Variants in PHLDB2 observed in about 807,000 individuals in gnomAD.
PHLDB2 encodes the protein pleckstrin homology like domain family B member 2, also known as pleckstrin homology-like domain family B member 2.
Under a neutral mutation model 123.6 loss-of-function variants are expected in PHLDB2, and 71 were observed. The observed-to-expected ratio is 0.57, with a 90% CI of 0.47 to 0.70. The LOEUF is 0.70. Among genes scored for constraint, PHLDB2 ranks in the 30% least tolerant of loss-of-function variants. The probability of loss-of-function intolerance (pLI) is 0.00; values close to 1 mark genes in which losing one functional copy is unlikely to be tolerated. For synonymous variants in PHLDB2, 547 were observed against 541.6 expected, an observed-to-expected ratio of 1.01 and a Z score of -0.14; for missense variants, 1,446 against 1,519.5, an observed-to-expected ratio of 0.95 and a Z score of 0.80.
chr3:111,832,189 TG>T (rs1361566063), intron 1 of PHLDB2, among the ~76,000 whole-genome samples: 1 of 151,018 alleles, frequency 6.6e-6, no homozygotes, highest in Non-Finnish European at 1.5e-5. Flanking sequence ...TCCAACCCTT[TG>T]GTACAGCACC....
intron 1 of PHLDB2, among the ~76,000 whole-genome samples, chr3:111,879,424 T>C (rs2065826602): frequency 6.6e-6 from 1 of 152,190 alleles, no homozygotes; most frequent in Non-Finnish European, 1.5e-5. Flanking sequence ...TTATATTTAC[T>C]ATTTATTAAG....
intron 2 of PHLDB2, among the ~76,000 whole-genome samples, chr3:111,902,039 A>G (rs1227794644): frequency 6.6e-6 from 1 of 152,144 alleles, no homozygotes; most frequent in Non-Finnish European, 1.5e-5. Flanking sequence ...TCCAACCTTA[A>G]TATTTTTTAA....
intron 1 of PHLDB2, among the ~76,000 whole-genome samples, chr3:111,776,894 T>A (rs2060275836): frequency 6.6e-6 from 1 of 152,158 alleles, no homozygotes; most frequent in Non-Finnish European, 1.5e-5. Context: ...CTTAAGTATA[T>A]TTCCAAGGAA....
chr3:111,834,395 G>GTA (rs1281155304), intron 1 of PHLDB2, among the ~76,000 whole-genome samples: 3 of 144,514 alleles, frequency 2.1e-5, no homozygotes, highest in Non-Finnish European at 4.5e-5. Context: ...ATATATGTGT[G>GTA]TATATATATA....
chr3:111,927,082 C>T (rs1310679531), intron 5 of PHLDB2, among the ~76,000 whole-genome samples: 1 of 152,074 alleles, frequency 6.6e-6, no homozygotes, highest in Non-Finnish European at 1.5e-5. Flanking sequence ...AAAAGAAAAA[C>T]GAATTTCACA....
chr3:111,831,232 T>C (rs1186722082), intron 1 of PHLDB2, among the ~76,000 whole-genome samples: 1 of 152,202 alleles, frequency 6.6e-6, no homozygotes, highest in Non-Finnish European at 1.5e-5. Context: ...ATATGCATTT[T>C]TTAAAATCTC....
At chr3:111,901,494 C>G (rs891865976) in intron 2 of PHLDB2, among the ~76,000 whole-genome samples, 1 of 150,870 alleles carries the variant, frequency 6.6e-6, no homozygotes, top group Non-Finnish European at 1.5e-5. Context: ...GTTCTTTACC[C>G]ACTGGTTTCT....
intron 1 of PHLDB2, among the ~76,000 whole-genome samples, chr3:111,794,784 G>T (rs941543649): frequency 6.6e-6 from 1 of 152,184 alleles, no homozygotes; most frequent in African/African-American, 2.4e-5. Flanking sequence ...TAAGGCATTT[G>T]ATCAACCCTT....
At position 111,829,564 on chromosome 3, in the gene PHLDB2, A is replaced by G. The variant is rs2062836260; in HGVS notation, c.-48-16257A>G. Among the ~76,000 whole-genome samples, 3 of 149,562 alleles carry G rather than the reference A, an allele frequency of 2.0e-5. No individual in the cohort carries two copies. The Admixed American group carries it at 2.0e-4, about 10-fold the overall frequency. On this transcript the variant is annotated intron_variant, in intron 1 of 17. Coordinates refer to the PHLDB2 transcript ENST00000393923. ...CTGCAACCTCTGCCTCCTGGGTTCAAGCGATTCTCCTTCCTCAGCCTTCTG... is the reference window on the plus strand; with the variant it reads ...CTGCAACCTCTGCCTCCTGGGTTCAGGCGATTCTCCTTCCTCAGCCTTCTG...
chr3:111,962,383 A>G (rs192229529), intron 13 of PHLDB2, 71 bp downstream of exon 13: 1 of 1,481,620 alleles, frequency 6.7e-7, no homozygotes, highest in Non-Finnish European at 9.2e-7. Context: ...TAAAGCCATC[A>G]ATTTGGGAAC....
chr3:111,771,128 G>A (rs1255300429), intron 1 of PHLDB2, among the ~76,000 whole-genome samples: 1 of 152,160 alleles, frequency 6.6e-6, no homozygotes, highest in Non-Finnish European at 1.5e-5. Flanking sequence ...AAGAAGAAGC[G>A]GTGCCTAGCT....
intron 1 of PHLDB2, among the ~76,000 whole-genome samples, chr3:111,753,817 A>G (rs2059830538): frequency 6.6e-6 from 1 of 152,122 alleles, no homozygotes; most frequent in Non-Finnish European, 1.5e-5. Context: ...ATCTTGAATT[A>G]ATTTTTGTAT....
chr3:111,785,709 T>A (rs9843288), intron 1 of PHLDB2, among the ~76,000 whole-genome samples: 40,708 of 151,976 alleles, frequency 0.27, 6,911 homozygotes, highest in African/African-American at 0.48. Flanking sequence ...TTTAACAAAA[T>A]CTAGGACACA....
chr3:111,879,389 A>T (rs1477243773), intron 1 of PHLDB2, among the ~76,000 whole-genome samples: 1 of 152,240 alleles, frequency 6.6e-6, no homozygotes, highest in African/African-American at 2.4e-5. Flanking sequence ...AATGAAGTAT[A>T]GAAATGATCC....
At chr3:111,830,998 A>AAAGAAAGAAAGAAAGAAAGAAAGAAAGG (rs2062977248) in intron 1 of PHLDB2, among the ~76,000 whole-genome samples, 1 of 93,052 alleles carries the variant, frequency 1.1e-5, no homozygotes, top group Non-Finnish European at 2.0e-5. Context: ...AGAAAGAAAG[A>AAAGAAAGAAAGAAAGAAAGAAAGAAAGG]AAGAAAGAAA....
intron 2 of PHLDB2, among the ~76,000 whole-genome samples, chr3:111,851,400 T>C (rs1043388104): frequency 1.3e-5 from 2 of 152,034 alleles, no homozygotes; most frequent in African/African-American, 4.8e-5. Flanking sequence ...GGCCTGCTCA[T>C]GTGTATTTCT....
At chr3:111,875,652 G>A (rs2065575045) in intron 1 of PHLDB2, among the ~76,000 whole-genome samples, 3 of 150,740 alleles carry the variant, frequency 2.0e-5, no homozygotes, top group Middle Eastern at 6.9e-3. Context: ...GTGAAACCCC[G>A]TTTCTACTAA....
intron 1 of PHLDB2, among the ~76,000 whole-genome samples, chr3:111,759,293 G>A (rs763862057): frequency 1.9e-4 from 29 of 152,148 alleles, no homozygotes; most frequent in Non-Finnish European, 3.7e-4. Context: ...TTTCTGGTTC[G>A]TAGATGGTGC....
At chr3:111,948,188 G>C (rs1405922550) in intron 9 of PHLDB2, among the ~76,000 whole-genome samples, 1 of 152,118 alleles carries the variant, frequency 6.6e-6, no homozygotes, top group Non-Finnish European at 1.5e-5. Context: ...AGAGATGGGG[G>C]TTAGGGAGGC....
Sources: gnomAD v4.1 joint callset for allele counts (sites outside exome capture counted in the v4.1 genomes callset) on GRCh38, gnomAD v4.1.1 for gene constraint, MANE v1.5 for transcripts, NCBI Gene and HGNC (gene_info 2026-07-23, HGNC 2026-07-21) for gene names.